GLT1D1: variants seen among roughly 807,000 people sequenced by gnomAD.
The protein encoded by GLT1D1 is glycosyltransferase 1 domain containing 1.
In GLT1D1, 21 loss-of-function variants were observed where a neutral mutation model predicts 28.7. The ratio of observed to expected loss-of-function variants is 0.73; its 90% CI spans 0.52 to 1.05. The LOEUF (loss-of-function observed/expected upper bound fraction) is 1.05. Ranked by LOEUF, GLT1D1 falls within the 50% of genes least tolerant of loss-of-function variation. The pLI, the probability that GLT1D1 is intolerant of heterozygous loss-of-function variation, is 0.00. For missense variants in GLT1D1, 343 were observed against 330.6 expected, an observed-to-expected ratio of 1.04 and a Z score of -0.29; for synonymous variants, 147 against 124.8, an observed-to-expected ratio of 1.18 and a Z score of -1.19.
chr12:128,969,728 C>A (rs975512329), intron 7 of GLT1D1, among the ~76,000 whole-genome samples: 9 of 152,226 alleles, frequency 5.9e-5, no homozygotes, highest in Non-Finnish European at 1.3e-4. Flanking sequence ...AGGGAAGAGG[C>A]AGAGAGAGAA....
At chr12:128,973,493 G>T (rs1436917392) in intron 7 of GLT1D1, among the ~76,000 whole-genome samples, 1 of 151,676 alleles carries the variant, frequency 6.6e-6, no homozygotes, top group Non-Finnish European at 1.5e-5. Flanking sequence ...ACCCCAGCCT[G>T]CTTGTGTTTC....
chr12:128,953,075 C>A (rs1359392834), intron 6 of GLT1D1, among the ~76,000 whole-genome samples: 2 of 152,134 alleles, frequency 1.3e-5, no homozygotes, highest in Non-Finnish European at 2.9e-5. Context: ...AGCCACCACG[C>A]CTGGCCCATG....
At chr12:128,865,715 G>A (rs960822177) in intron 1 of GLT1D1, among the ~76,000 whole-genome samples, 15 of 152,024 alleles carry the variant, frequency 9.9e-5, no homozygotes, top group African/African-American at 3.4e-4. Context: ...CCAGCTACTC[G>A]GGAGGCGGAG....
At chr12:128,934,487 C>T (rs532960392) in intron 4 of GLT1D1, among the ~76,000 whole-genome samples, 1 of 152,306 alleles carries the variant, frequency 6.6e-6, no homozygotes, top group African/African-American at 2.4e-5. Context: ...AGCCACTGCG[C>T]CCGGCCAGCT....
At chr12:128,937,338 T>C (rs886651744) in intron 4 of GLT1D1, among the ~76,000 whole-genome samples, 10 of 152,110 alleles carry the variant, frequency 6.6e-5, no homozygotes, top group African/African-American at 2.4e-4. Flanking sequence ...TTTTTGCAGA[T>C]CTTATGAGCA....
At chr12:128,902,289 G>A (rs528468077) in intron 4 of GLT1D1, among the ~76,000 whole-genome samples, 1 of 151,166 alleles carries the variant, frequency 6.6e-6, no homozygotes, top group South Asian at 2.1e-4. Context: ...TTCGAGACCA[G>A]CCTGACCAAC....
At chr12:128,919,218 CTG>C (rs768138754) in intron 4 of GLT1D1, among the ~76,000 whole-genome samples, 16 of 152,152 alleles carry the variant, frequency 1.1e-4, no homozygotes, top group Non-Finnish European at 2.1e-4. Flanking sequence ...AAACCTGTGA[CTG>C]TGATTTGTCC....
chr12:128,906,999 G>C, intron 4 of GLT1D1: 1 of 701,160 alleles, frequency 1.4e-6, no homozygotes, highest in Non-Finnish European at 2.6e-6. Context: ...GGCCTAATCG[G>C]AATGAGCTGC....
intron 7 of GLT1D1, among the ~76,000 whole-genome samples, chr12:128,969,726 G>A (rs1032379248): frequency 2.0e-5 from 3 of 152,216 alleles, no homozygotes; most frequent in Admixed American, 6.5e-5. Flanking sequence ...AGAGGGAAGA[G>A]GCAGAGAGAG....
intron 2 of GLT1D1, among the ~76,000 whole-genome samples, chr12:128,879,422 C>CTTTCTTTCT (rs1956967878): frequency 1.0e-5 from 1 of 96,440 alleles, no homozygotes; most frequent in African/African-American, 4.5e-5. Flanking sequence ...TTCTTTCTTT[C>CTTTCTTTCT]TTTCTTTCTT....
chr12:128,885,550 A>G (rs1022678693), intron 2 of GLT1D1, among the ~76,000 whole-genome samples: 2 of 152,196 alleles, frequency 1.3e-5, no homozygotes, highest in African/African-American at 2.4e-5. Context: ...CAAGTGTACA[A>G]TACATTGTTA....
rs547252877 is a variant in GLT1D1 at position 128,949,832 on chromosome 12, G to A, written c.540+2374G>A. ...CATGCATGCACACACATGTACACAC[G>A]CACATGCACACGCACGTACACACAC... On this transcript the variant is annotated intron_variant, in intron 6 of 7. Coordinates refer to ENST00000281703, the MANE Select transcript of GLT1D1 (RefSeq NM_144669.3). 1.8e-4 allele frequency among the ~76,000 whole-genome samples: 28 copies of A among 151,390 alleles called. No homozygotes were observed. The South Asian group carries it at 3.1e-3, about 17-fold the overall frequency.
chr12:128,885,819 G>T (rs1957161824), intron 2 of GLT1D1, among the ~76,000 whole-genome samples: 1 of 152,130 alleles, frequency 6.6e-6, no homozygotes, highest in South Asian at 2.1e-4. Context: ...TTCTGTCTTT[G>T]GGAATTTCAC....
intron 1 of GLT1D1, among the ~76,000 whole-genome samples, chr12:128,867,313 C>A (rs1956558995): frequency 7.0e-6 from 1 of 142,316 alleles, no homozygotes; most frequent in African/African-American, 2.6e-5. Context: ...AGGAGAAATG[C>A]TTGAACCCGG....
chr12:128,925,670 T>A (rs1041098502), intron 4 of GLT1D1, among the ~76,000 whole-genome samples: 3 of 152,166 alleles, frequency 2.0e-5, no homozygotes, highest in African/African-American at 7.2e-5. Context: ...ATGAGGACAT[T>A]AATATATAAA....
At chr12:128,912,217 G>A (rs1196199797) in intron 4 of GLT1D1, among the ~76,000 whole-genome samples, 2 of 152,156 alleles carry the variant, frequency 1.3e-5, no homozygotes, top group Non-Finnish European at 2.9e-5. Flanking sequence ...TATAGATGCT[G>A]TATTTTTAAT....
intron 7 of GLT1D1, among the ~76,000 whole-genome samples, chr12:128,968,167 T>C (rs974088587): frequency 8.6e-5 from 13 of 151,856 alleles, no homozygotes; most frequent in African/African-American, 2.9e-4. Context: ...GGCTAATTTT[T>C]TGTATTTTCA....
chr12:128,960,864 A>G (rs1480906502), intron 7 of GLT1D1, among the ~76,000 whole-genome samples: 1 of 152,240 alleles, frequency 6.6e-6, no homozygotes, highest in Admixed American at 6.5e-5. Flanking sequence ...AGTTATGTAC[A>G]TATATGGAGT....
At chr12:128,948,693 G>C (rs575731716) in intron 6 of GLT1D1, among the ~76,000 whole-genome samples, 15 of 149,936 alleles carry the variant, frequency 1.0e-4, no homozygotes, top group African/African-American at 3.6e-4. Context: ...GTATCCCCTT[G>C]GATACCAGGT....
Sources: allele counts gnomAD v4.1 joint callset (sites outside exome capture counted in the v4.1 genomes callset), GRCh38; gene constraint gnomAD v4.1.1; transcripts MANE v1.5; gene names NCBI Gene and HGNC (gene_info 2026-07-23, HGNC 2026-07-21).